The following RNF103 variants were observed in gnomAD, a reference collection of about 807,000 sequenced individuals.
RNF103 encodes the protein E3 ubiquitin-protein ligase RNF103.
RNF103 carries 23 observed loss-of-function variants against 66.2 expected under a neutral mutation model. The observed-to-expected ratio is 0.35, with a 90% CI of 0.25 to 0.49. The LOEUF (loss-of-function observed/expected upper bound fraction) is 0.49, where lower values mean the gene tolerates loss of function less well. RNF103 is among the 20% of genes least tolerant of loss of function. RNF103 has a pLI of 0.98. For missense variants in RNF103, 730 were observed against 814.7 expected, an observed-to-expected ratio of 0.90 and a Z score of 1.27; for synonymous variants, 297 against 289.9, an observed-to-expected ratio of 1.02 and a Z score of -0.25.
In RNF103 at chr2:86,621,242, G is replaced by C. The variant is rs1679216481; in HGVS notation, c.227-773C>G. Among the ~76,000 whole-genome samples the C allele has an allele frequency of 3.3e-5, 5 of 152,128 alleles. No individual in the cohort carries two copies. In the South Asian group the frequency reaches 1.0e-3, roughly 32 times the overall value. On this transcript the variant is annotated intron_variant, in intron 1 of 3. Transcript: ENST00000237455. ...GCTGTGCGTCTTAAAGTTAAATGTG[G>C]ACTTCTAGTACATTCAATGTGCCAA... is the stretch of plus-strand genomic sequence containing the variant.
In RNF103 at chr2:86,618,332, A is replaced by C. The variant is rs368621486; in HGVS notation, c.366+1998T>G. The C allele has an allele frequency of 1.9e-3, 347 of 186,374 alleles. 3 individuals are homozygous for C. In the South Asian group the frequency reaches 0.03, roughly 16 times the overall value. 11.5% of individuals were successfully genotyped at this position (186,374 alleles called of 1,614,324 possible). Reference sequence around the variant, plus strand: ...TATTTATTTGGTGTCTGCCTCTCCCAACTAGAATGTGAGCTGCCTGACAGA... The same window carrying C: ...TATTTATTTGGTGTCTGCCTCTCCCCACTAGAATGTGAGCTGCCTGACAGA... On this transcript the variant is annotated intron_variant, in intron 2 of 3. Transcript: ENST00000237455.
chr2:86,617,605 C>T (rs921096310), intron 2 of RNF103: 18 of 952,126 alleles, frequency 1.9e-5, no homozygotes, highest in Admixed American at 6.1e-5. Context: ...GGAACGCATC[C>T]CCCTCAGATA....
intron 3 of RNF103, among the ~76,000 whole-genome samples, chr2:86,606,705 A>T (rs1264664019): frequency 6.6e-6 from 1 of 151,060 alleles, no homozygotes; most frequent in Non-Finnish European, 1.5e-5. Context: ...CAATGAAAAC[A>T]GCTGTTGTAT....
chr2:86,616,136 T>C (rs1049376848), intron 2 of RNF103, among the ~76,000 whole-genome samples: 1 of 152,214 alleles, frequency 6.6e-6, no homozygotes, highest in Non-Finnish European at 1.5e-5. Flanking sequence ...GACATAAAGA[T>C]GTTTAATTCA....
chr2:86,623,206 C>T lies in RNF103; in HGVS notation c.-320G>A. 9.8e-7 allele frequency: 1 copy of T among 1,025,320 alleles called. No homozygotes were observed. The highest frequency in any genetic ancestry group is 1.2e-6 in the Non-Finnish European group (1 of 857,700). 63.5% of individuals were successfully genotyped at this position (1,025,320 alleles called of 1,614,324 possible). On this transcript the variant is annotated 5_prime_UTR_variant, in exon 1 of 4. Coordinates refer to ENST00000237455, the MANE Select transcript of RNF103 (RefSeq NM_005667.4). ...AGGAGAGGGGCGCGGGGAGAGCTCG[C>T]GGGGAAGAACAAAACGAGGGACGCT... is the stretch of plus-strand genomic sequence containing the variant.
chr2:86,623,844 G>A lies in RNF103; in HGVS notation c.-958C>T, dbSNP rs1215331439. ...CCACAACCGTGTATCAGCGGCGGCCGCGGCCGGAGCCGAGACATAACAACT... is the reference window on the plus strand; with the variant it reads ...CCACAACCGTGTATCAGCGGCGGCCACGGCCGGAGCCGAGACATAACAACT... On this transcript the variant is annotated 5_prime_UTR_variant, in exon 1 of 4. Transcript: ENST00000237455. 5 of 1,287,762 alleles carry A rather than the reference G, an allele frequency of 3.9e-6. No individual in the cohort carries two copies. Among genetic ancestry groups the A allele is most frequent in the South Asian group, 2.5e-5 (2 of 80,856 alleles). The allele number at this position is 1,287,762 out of a possible 1,614,324, so 79.8% of individuals were successfully genotyped here. A position where few individuals can be genotyped will look rare whatever the true frequency, so the allele number is the denominator to read the frequency against.
chr2:86,612,492 C>G, intron 2 of RNF103: 1 of 411,706 alleles, frequency 2.4e-6, no homozygotes, highest in Non-Finnish European at 4.3e-6. Flanking sequence ...AACTCTCCCA[C>G]ACTCTGTGGC....
At chr2:86,616,410 C>G (rs1679021410) in intron 2 of RNF103, 2 of 809,858 alleles carry the variant, frequency 2.5e-6, no homozygotes, top group South Asian at 1.1e-4. Flanking sequence ...AGAGTAAGGA[C>G]AAGTGATTGA....
intron 3 of RNF103, among the ~76,000 whole-genome samples, chr2:86,608,233 T>C (rs1040309416): frequency 2.0e-5 from 3 of 152,110 alleles, no homozygotes; most frequent in Non-Finnish European, 4.4e-5. Context: ...ACACCTGTAA[T>C]CCCAGCACTT....
intron 3 of RNF103, among the ~76,000 whole-genome samples, chr2:86,609,092 G>A (rs1203227368): frequency 6.6e-6 from 1 of 152,182 alleles, no homozygotes; most frequent in Non-Finnish European, 1.5e-5. Context: ...TCTGGGTCAT[G>A]GAGGTGGATC....
chr2:86,620,607 A>C (rs1052246446), intron 1 of RNF103, 138 bp from the exon 2 acceptor site: 71 of 1,180,782 alleles, frequency 6.0e-5, no homozygotes, highest in Non-Finnish European at 7.7e-5. Flanking sequence ...CTACTAGAAG[A>C]ACCTGGATAT....
intron 2 of RNF103, chr2:86,617,226 G>C (rs1165075185): frequency 2.0e-6 from 2 of 985,174 alleles, no homozygotes; most frequent in Non-Finnish European, 2.4e-6. Context: ...GAAGAGGATT[G>C]AACTGGCTGC....
chr2:86,612,191 A>G lies in RNF103; in HGVS notation c.450T>C (p.Arg150=). 2 of 1,613,774 alleles carry G rather than the reference A, an allele frequency of 1.2e-6. No individual in the cohort carries two copies. Among genetic ancestry groups the G allele is most frequent in the Non-Finnish European group, 1.7e-6 (2 of 1,179,822 alleles). Residue 150 remains arginine, a synonymous_variant, in exon 3 of 4, where the codon CGT becomes CGC. Coordinates refer to ENST00000237455, the MANE Select transcript of RNF103 (RefSeq NM_005667.4). ...MVKKVSRFGI[R]TGTFNCSSDP... is the part of the protein sequence containing the mutation. ...CACTGGAACAGTTAAATGTGCCTGT[A>G]CGTATTCCAAATCTTGACACCTTTT...
At chr2:86,616,146 A>T (rs568761300) in intron 2 of RNF103, among the ~76,000 whole-genome samples, 1 of 152,208 alleles carries the variant, frequency 6.6e-6, no homozygotes, top group Non-Finnish European at 1.5e-5. Flanking sequence ...TGTTTAATTC[A>T]GTGCATTTTA....
Position 86,623,740 on chromosome 2 carries a change from T to A in RNF103, c.-854A>T. The A allele has an allele frequency of 7.9e-7, 1 of 1,272,258 alleles. No homozygotes were observed. The highest frequency in any genetic ancestry group is 1.0e-6 in the Non-Finnish European group (1 of 982,120). The allele number at this position is 1,272,258 out of a possible 1,614,324, so 78.8% of individuals were successfully genotyped here. A position where few individuals can be genotyped will look rare whatever the true frequency, so the allele number is the denominator to read the frequency against. ...CTGCCTCCCGGCCACTCAGCGCCCG[T>A]CCCGCTCGGATGGGCAGTGCCGGTC... On this transcript the variant is annotated 5_prime_UTR_variant, in exon 1 of 4. Transcript: ENST00000237455.
In RNF103 at chr2:86,623,183, G is replaced by C. The variant is rs1679301006; in HGVS notation, c.-297C>G. The C allele has an allele frequency of 6.6e-6, 7 of 1,054,690 alleles. No individual in the cohort carries two copies. Among genetic ancestry groups the C allele is most frequent in the Non-Finnish European group, 6.8e-6 (6 of 877,032 alleles). The allele number at this position is 1,054,690 out of a possible 1,614,324, so 65.3% of individuals were successfully genotyped here. ...ACCCCCATCCATTAAGCACAGAAAG[G>C]AGAGGGGCGCGGGGAGAGCTCGCGG... On this transcript the variant is annotated 5_prime_UTR_variant, in exon 1 of 4. Transcript: ENST00000237455.
At chr2:86,621,457 A>G (rs1679224802) in intron 1 of RNF103, among the ~76,000 whole-genome samples, 1 of 152,234 alleles carries the variant, frequency 6.6e-6, no homozygotes, top group Non-Finnish European at 1.5e-5. Flanking sequence ...TATGGTAGAA[A>G]TAAGAATCGC....
chr2:86,623,606 C>G lies in RNF103; in HGVS notation c.-720G>C. The G allele has an allele frequency of 9.6e-7, 1 of 1,036,576 alleles. No individual in the cohort carries two copies. The highest frequency in any genetic ancestry group is 1.2e-6 in the Non-Finnish European group (1 of 857,618). 64.2% of individuals were successfully genotyped at this position (1,036,576 alleles called of 1,614,324 possible). A position where few individuals can be genotyped will look rare whatever the true frequency, so the allele number is the denominator to read the frequency against. On this transcript the variant is annotated 5_prime_UTR_variant, in exon 1 of 4. Transcript: ENST00000237455. ...GCGGCGCCTCTCAGGCGGGCGGGCA[C>G]TGCGGCCCGGCCCAGGATGGGGCGT...
rs1367812990 is a variant in RNF103 at position 86,623,706 on chromosome 2, G to A, written c.-820C>T. Reference sequence around the variant, plus strand: ...GGCCCCGAGACTGCTCCTCCAGGCGGCTACCCGGCTGCCTCCCGGCCACTC... The same window carrying A: ...GGCCCCGAGACTGCTCCTCCAGGCGACTACCCGGCTGCCTCCCGGCCACTC... On this transcript the variant is annotated 5_prime_UTR_variant, in exon 1 of 4. Coordinates refer to ENST00000237455, the MANE Select transcript of RNF103 (RefSeq NM_005667.4). The A allele has an allele frequency of 8.0e-7, 1 of 1,242,624 alleles. No individual in the cohort carries two copies. Among genetic ancestry groups the A allele is most frequent in the Non-Finnish European group, 1.0e-6 (1 of 968,750 alleles). The allele number at this position is 1,242,624 out of a possible 1,614,324, so 77.0% of individuals were successfully genotyped here.
Sources: gnomAD v4.1 joint callset for allele counts (sites outside exome capture counted in the v4.1 genomes callset) on GRCh38, gnomAD v4.1.1 for gene constraint, MANE v1.5 for transcripts, NCBI Gene and HGNC (gene_info 2026-07-23, HGNC 2026-07-21) for gene names.